The following TMEM131 variants were observed in gnomAD, a reference collection of about 807,000 sequenced individuals.
TMEM131 encodes 2610524E03Rik.
A neutral mutation model predicts 211.6 loss-of-function variants in TMEM131; 66 were observed. That is an observed-to-expected ratio of 0.31 (90% CI 0.26 to 0.38). TMEM131 has a LOEUF of 0.38. Among genes scored for constraint, TMEM131 ranks in the 10% least tolerant of loss-of-function variants. The pLI is 1.00. For synonymous variants in TMEM131, 844 were observed against 841.3 expected (o/e 1.00, Z -0.06); for missense variants, 2,036 against 2,299.3 (o/e 0.89, Z 2.34).
intron 1 of TMEM131, among the ~76,000 whole-genome samples, chr2:97,967,538 T>A (rs1041735364): frequency 6.6e-6 from 1 of 151,536 alleles, no homozygotes; most frequent in Non-Finnish European, 1.5e-5. Flanking sequence ...AGTATAAAGA[T>A]CACATGGAAA....
chr2:97,778,537 C>G (rs758995733), intron 31 of TMEM131, among the ~76,000 whole-genome samples: 1 of 147,482 alleles, frequency 6.8e-6, no homozygotes, highest in African/African-American at 2.5e-5. Context: ...GGTGACAGAG[C>G]AAGACTTCAT....
At chr2:97,943,031 GAAAAGA>G (rs757046961) in intron 1 of TMEM131, among the ~76,000 whole-genome samples, 809 of 43,380 alleles carry the variant, frequency 0.019, 7 homozygotes, top group Middle Eastern at 0.036. Context: ...GAAAAGAAAA[GAAAAGA>G]AAAGAAAGAA....
chr2:97,832,487 T>A (rs1342187412), intron 11 of TMEM131, among the ~76,000 whole-genome samples: 6 of 152,156 alleles, frequency 3.9e-5, no homozygotes, highest in African/African-American at 1.4e-4. Context: ...GGGAAGACCA[T>A]CTCTTGCTTC....
intron 1 of TMEM131, among the ~76,000 whole-genome samples, chr2:97,957,911 AG>A (rs1435007820): frequency 6.6e-6 from 1 of 152,192 alleles, no homozygotes. Context: ...GACCTCCTCA[AG>A]GAACTCATAC....
At chr2:97,775,435 A>T (rs1252602195) in intron 32 of TMEM131, among the ~76,000 whole-genome samples, 1 of 152,224 alleles carries the variant, frequency 6.6e-6, no homozygotes, top group Non-Finnish European at 1.5e-5. Flanking sequence ...TGCTAGGAGC[A>T]ACATGACAGG....
intron 1 of TMEM131, among the ~76,000 whole-genome samples, chr2:97,993,140 A>G (rs1488474663): frequency 6.6e-6 from 1 of 152,260 alleles, no homozygotes. Flanking sequence ...TTGCAGTGAA[A>G]TTATACAGTA....
intron 1 of TMEM131, among the ~76,000 whole-genome samples, chr2:97,931,624 G>A (rs949244213): frequency 6.6e-6 from 1 of 152,152 alleles, no homozygotes; most frequent in East Asian, 1.9e-4. Flanking sequence ...GTGGTATCAG[G>A]CATTAGGAAC....
chr2:97,886,207 T>A (rs1358971687), intron 4 of TMEM131, among the ~76,000 whole-genome samples: 1 of 152,196 alleles, frequency 6.6e-6, no homozygotes, highest in Non-Finnish European at 1.5e-5. Flanking sequence ...TTTTCCTGTA[T>A]CTCACTGAGA....
At chr2:97,980,536 C>T (rs1679741017) in intron 1 of TMEM131, among the ~76,000 whole-genome samples, 1 of 152,150 alleles carries the variant, frequency 6.6e-6, no homozygotes, top group Non-Finnish European at 1.5e-5. Flanking sequence ...AAACATACAG[C>T]TACCATAGGA....
intron 1 of TMEM131, among the ~76,000 whole-genome samples, chr2:97,937,803 G>C (rs185140601): frequency 6.6e-6 from 1 of 152,188 alleles, no homozygotes; most frequent in South Asian, 2.1e-4. Context: ...AACAACTAGA[G>C]AGAAGGTCAT....
chr2:97,905,631 T>C (rs993758823), intron 3 of TMEM131, among the ~76,000 whole-genome samples: 7 of 152,218 alleles, frequency 4.6e-5, no homozygotes, highest in Admixed American at 4.6e-4. Flanking sequence ...AGCTTTTCTT[T>C]TGCAATGTCT....
chr2:97,874,557 G>A (rs1337089576), intron 4 of TMEM131, among the ~76,000 whole-genome samples: 4 of 152,226 alleles, frequency 2.6e-5, no homozygotes, highest in African/African-American at 9.6e-5. Context: ...AGAAGAGAGT[G>A]AGGCCCAATA....
intron 35 of TMEM131, chr2:97,763,848 GAA>G (rs1186490694): frequency 6.6e-6 from 1 of 152,438 alleles, no homozygotes; most frequent in African/African-American, 2.4e-5. Flanking sequence ...ATGATGAAAT[GAA>G]ACAGGAAAAG....
intron 4 of TMEM131, among the ~76,000 whole-genome samples, chr2:97,868,206 T>A (rs1674348142): frequency 6.6e-6 from 1 of 152,244 alleles, no homozygotes; most frequent in Non-Finnish European, 1.5e-5. Flanking sequence ...TGAAGTTTAC[T>A]TTGTCCAAAT....
chr2:97,943,091 A>AAGAG (rs1677871834), intron 1 of TMEM131, among the ~76,000 whole-genome samples: 1 of 146,048 alleles, frequency 6.8e-6, no homozygotes, highest in South Asian at 2.2e-4. Flanking sequence ...GAAAGAAAGA[A>AAGAG]AGAAAGAAAG....
intron 39 of TMEM131, chr2:97,759,311 G>C: frequency 1.8e-6 from 1 of 559,736 alleles, no homozygotes; most frequent in Non-Finnish European, 3.2e-6. Flanking sequence ...CTAATGGGAA[G>C]CTTCCATGGT....
chr2:97,775,495 C>T (rs202078350), intron 32 of TMEM131, among the ~76,000 whole-genome samples: 2 of 152,150 alleles, frequency 1.3e-5, no homozygotes, highest in Admixed American at 6.5e-5. Context: ...TTCTTTTGAT[C>T]CTTAAAATCT....
chr2:97,774,931 T>C (rs1287036860), intron 32 of TMEM131, among the ~76,000 whole-genome samples: 3 of 152,266 alleles, frequency 2.0e-5, no homozygotes, highest in East Asian at 3.9e-4. Flanking sequence ...GGTGGCTAAC[T>C]TGAAAGTAAG....
intron 3 of TMEM131, among the ~76,000 whole-genome samples, chr2:97,898,134 A>G (rs540477311): frequency 6.6e-6 from 1 of 150,980 alleles, no homozygotes; most frequent in African/African-American, 2.4e-5. Flanking sequence ...GTTTACATTG[A>G]TTTTTTTTCA....
Sources: gnomAD v4.1 joint callset for allele counts (sites outside exome capture counted in the v4.1 genomes callset) on GRCh38, gnomAD v4.1.1 for gene constraint, MANE v1.5 for transcripts, NCBI Gene and HGNC (gene_info 2026-07-23, HGNC 2026-07-21) for gene names.